Variants in DMD observed in about 807,000 individuals in gnomAD.
The protein encoded by DMD is dystrophin.
A neutral mutation model predicts 330.1 loss-of-function variants in DMD; 63 were observed. The observed-to-expected ratio is 0.19, with a 90% CI of 0.16 to 0.24. The LOEUF (loss-of-function observed/expected upper bound fraction) is 0.24, where lower values mean the gene tolerates loss of function less well. DMD is among the 10% of genes least tolerant of loss of function. The probability of loss-of-function intolerance (pLI) is 1.00; values close to 1 mark genes in which losing one functional copy is unlikely to be tolerated. For synonymous variants in DMD, 1,223 were observed against 959.8 expected (o/e 1.27, Z -5.07); for missense variants, 3,344 against 2,684.1 (o/e 1.25, Z -5.43).
chrX:32,860,755 G>T (rs2082017804), intron 2 of DMD, among the ~76,000 whole-genome samples: 1 of 110,591 alleles, frequency 9.0e-6, no homozygotes, highest in Non-Finnish European at 1.9e-5. Context: ...AACAGAATAT[G>T]ATCAACACCC....
intron 9 of DMD, among the ~76,000 whole-genome samples, chrX:32,687,312 G>A (rs1208034806): frequency 8.9e-6 from 1 of 111,838 alleles, no homozygotes; most frequent in Admixed American, 9.5e-5. Context: ...AATCTTGTAA[G>A]TTCTGACAGA....
rs2096699050 is a variant in DMD at position 32,132,186 on chromosome X, T to C, written c.6438+84730A>G. On this transcript the variant is annotated intron_variant, in intron 44 of 78. Coordinates refer to ENST00000357033, the MANE Select transcript of DMD (RefSeq NM_004006.3). ...TGCTTACCTATAAGGTCAATTTGTT[T>C]TGACCTAAATTTAGATTAGGCAACA... Among the ~76,000 whole-genome samples, 3 of 112,029 alleles carry C rather than the reference T, an allele frequency of 2.7e-5. No homozygotes were observed. The South Asian group carries it at 1.1e-3, about 42-fold the overall frequency.
At chrX:32,002,623 A>G (rs1011091343) in intron 44 of DMD, among the ~76,000 whole-genome samples, 2 of 111,072 alleles carry the variant, frequency 1.8e-5, no homozygotes, top group African/African-American at 6.5e-5. Context: ...TTTTTTTAGA[A>G]TAAGGATGAT....
At chrX:32,370,758 A>G in intron 34 of DMD, among the ~76,000 whole-genome samples, 1 of 111,302 alleles carries the variant, frequency 9.0e-6, no homozygotes, top group African/African-American at 3.2e-5. Flanking sequence ...AATAGTTCTT[A>G]TATTTTTATA....
At chrX:31,405,565 C>T (rs1018688874) in intron 60 of DMD, among the ~76,000 whole-genome samples, 1 of 110,916 alleles carries the variant, frequency 9.0e-6, no homozygotes. Flanking sequence ...CAAAAAAAAG[C>T]GAGCATAAGT....
intron 46 of DMD, 143 bp from the exon 47 acceptor site, chrX:31,929,888 A>C (rs984214322): frequency 1.5e-6 from 1 of 654,515 alleles, no homozygotes; most frequent in Non-Finnish European, 2.4e-6. Flanking sequence ...ACAGTTTTCT[A>C]TCTGAGCACA....
intron 45 of DMD, among the ~76,000 whole-genome samples, chrX:31,951,159 G>GTATATATATATATATGTATGTATATA (rs2095170324): frequency 5.6e-5 from 4 of 71,675 alleles, no homozygotes; most frequent in African/African-American, 1.1e-4. Flanking sequence ...ATATATATAT[G>GTATATATATATATATGTATGTATATA]TATATATATA....
intron 44 of DMD, among the ~76,000 whole-genome samples, chrX:32,104,436 G>A (rs756084839): frequency 1.3e-4 from 14 of 111,173 alleles, no homozygotes; most frequent in Non-Finnish European, 2.3e-4. Flanking sequence ...CTGGAGGCCA[G>A]ATTTGCCTGT....
intron 1 of DMD, among the ~76,000 whole-genome samples, chrX:33,056,815 T>A (rs2094523643): frequency 9.0e-6 from 1 of 111,654 alleles, no homozygotes; most frequent in African/African-American, 3.3e-5. Context: ...TTTTACAGTA[T>A]CCTGTAACGA....
intron 17 of DMD, among the ~76,000 whole-genome samples, chrX:32,529,762 G>C (rs889248133): frequency 9.0e-6 from 1 of 110,840 alleles, no homozygotes. Flanking sequence ...ATCTAAAGAT[G>C]TTATAATTCC....
intron 43 of DMD, among the ~76,000 whole-genome samples, chrX:32,243,561 C>A (rs1038626317): frequency 3.6e-5 from 4 of 111,678 alleles, no homozygotes; most frequent in African/African-American, 1.3e-4. Flanking sequence ...AGCACTACAC[C>A]ATTATACAGT....
chrX:33,178,570 T>A (rs1603391027), intron 1 of DMD, among the ~76,000 whole-genome samples: 1 of 112,495 alleles, frequency 8.9e-6, no homozygotes, highest in African/African-American at 3.2e-5. Flanking sequence ...ACCTCAGATT[T>A]TCCTGAAAAA....
chrX:31,507,333 C>T lies in DMD; in HGVS notation c.8338G>A (p.Asp2780Asn), dbSNP rs1475495557. The change falls in exon 56 of 79, where the codon GAT becomes AAT. Residue 2780 changes from aspartate (D) to asparagine (N), a missense_variant. Transcript: ENST00000357033. ...DDAVLLQRRL[D>N]NMNFKWSELR... ...TCACTCCACTTGAAGTTCATGTTAT[C>T]CAAACGTCTTTGTAACAGGACTGCA... is the stretch of plus-strand genomic sequence containing the variant. 1 of 1,211,550 alleles carries T rather than the reference C, an allele frequency of 8.3e-7. No individual in the cohort carries two copies. The highest frequency in any genetic ancestry group is 3.0e-5 in the East Asian group (1 of 33,822).
chrX:31,785,100 G>C (rs1185734104), intron 50 of DMD, among the ~76,000 whole-genome samples: 1 of 111,838 alleles, frequency 8.9e-6, no homozygotes, highest in Admixed American at 9.5e-5. Context: ...TTATTACTCG[G>C]CCACAAAAAA....
chrX:32,550,480 C>G (rs1480324993), intron 16 of DMD, among the ~76,000 whole-genome samples: 1 of 111,198 alleles, frequency 9.0e-6, no homozygotes. Flanking sequence ...ATCTCTGGGA[C>G]ACACACAAAG....
At chrX:33,276,783 T>C (rs1319616000) in intron 1 of DMD, among the ~76,000 whole-genome samples, 1 of 111,734 alleles carries the variant, frequency 8.9e-6, no homozygotes, top group Non-Finnish European at 1.9e-5. Context: ...GCTGTTTGAA[T>C]TTTTCTTTTT....
At chrX:31,688,217 G>A (rs758726968) in intron 52 of DMD, among the ~76,000 whole-genome samples, 11 of 110,774 alleles carry the variant, frequency 9.9e-5, no homozygotes, top group African/African-American at 3.6e-4. Flanking sequence ...TTGATAGACC[G>A]CTAGTAAGAC....
intron 26 of DMD, among the ~76,000 whole-genome samples, chrX:32,452,352 G>GTT (rs2098334237): frequency 8.8e-5 from 1 of 11,394 alleles, no homozygotes; most frequent in East Asian, 4.8e-3. Flanking sequence ...AAAGGGAAAG[G>GTT]GAAAGGGAAA....
At chrX:32,805,970 T>C (rs752261449) in intron 7 of DMD, among the ~76,000 whole-genome samples, 3 of 112,116 alleles carry the variant, frequency 2.7e-5, no homozygotes, top group South Asian at 3.7e-4. Context: ...TACCAGCCAC[T>C]GCAGAAGCAT....
Sources: allele counts gnomAD v4.1 joint callset (sites outside exome capture counted in the v4.1 genomes callset), GRCh38; gene constraint gnomAD v4.1.1; transcripts MANE v1.5; gene names NCBI Gene and HGNC (gene_info 2026-07-23, HGNC 2026-07-21).